The following GARRE1 variants were observed in gnomAD, a reference collection of about 807,000 sequenced individuals.
GARRE1 encodes the protein granule associated Rac and RHOG effector protein 1.
GARRE1 carries 49 observed loss-of-function variants against 103.2 expected under a neutral mutation model. The observed-to-expected ratio is 0.47, with a 90% CI of 0.38 to 0.60. The LOEUF (loss-of-function observed/expected upper bound fraction) is 0.60. Ranked by LOEUF, GARRE1 falls within the 20% of genes least tolerant of loss-of-function variation. The probability of loss-of-function intolerance (pLI) is 0.00; values close to 1 mark genes in which losing one functional copy is unlikely to be tolerated. For missense variants in GARRE1, 1,199 were observed against 1,370.5 expected (o/e 0.87, Z 1.98); for synonymous variants, 505 against 532.8 (o/e 0.95, Z 0.72).
At chr19:34,293,715 AACACACACACAC>A (rs146336774) in intron 1 of GARRE1, among the ~76,000 whole-genome samples, 6 of 100,472 alleles carry the variant, frequency 6.0e-5, no homozygotes, top group South Asian at 3.6e-4. Flanking sequence ...TAAACATATA[AACACACACACAC>A]ACACACACAC....
At chr19:34,339,403 A>G (rs940930732) in intron 8 of GARRE1, among the ~76,000 whole-genome samples, 3 of 152,260 alleles carry the variant, frequency 2.0e-5, no homozygotes, top group East Asian at 3.8e-4. Flanking sequence ...GAAGAGGTGC[A>G]TAGCGTGAAG....
chr19:34,281,385 G>A (rs566508180), intron 1 of GARRE1, among the ~76,000 whole-genome samples: 1 of 152,328 alleles, frequency 6.6e-6, no homozygotes, highest in East Asian at 1.9e-4. Flanking sequence ...CTGCCTCCCG[G>A]GTTCAAGTGA....
At chr19:34,305,296 C>T (rs1347886152) in intron 2 of GARRE1, among the ~76,000 whole-genome samples, 1 of 152,112 alleles carries the variant, frequency 6.6e-6, no homozygotes, top group Non-Finnish European at 1.5e-5. Flanking sequence ...GCAGCTTTGA[C>T]TTTTACATAA....
intron 7 of GARRE1, among the ~76,000 whole-genome samples, chr19:34,331,173 AC>A (rs2074136193): frequency 6.6e-6 from 1 of 151,882 alleles, no homozygotes; most frequent in South Asian, 2.1e-4. Context: ...TGCTGGAATT[AC>A]AGGCATGAGC....
rs771664936 is a variant in GARRE1, at chr19:34,333,817, C to CT, written c.1361+19dup. ...CATCCACATGGTAACGTGCCTCTTA[C>CT]TTTCACCGGAGCCTAAGCTCTGACT... On this transcript the variant is annotated intron_variant, in intron 8 of 13. Coordinates refer to ENST00000299505, the MANE Select transcript of GARRE1 (RefSeq NM_014686.5). 6.9e-7 allele frequency: 1 copy of CT among 1,439,860 alleles called. No homozygotes were observed. Among genetic ancestry groups the CT allele is most frequent in the Non-Finnish European group, 9.8e-7 (1 of 1,022,370 alleles). 89.2% of individuals were successfully genotyped at this position (1,439,860 alleles called of 1,614,324 possible).
At chr19:34,286,098 G>A (rs959628265) in intron 1 of GARRE1, among the ~76,000 whole-genome samples, 1 of 152,202 alleles carries the variant, frequency 6.6e-6, no homozygotes, top group East Asian at 1.9e-4. Flanking sequence ...CTGGAAAGCC[G>A]AGACAGGTGG....
chr19:34,345,685 G>C (rs908026762), intron 10 of GARRE1, among the ~76,000 whole-genome samples: 1 of 152,116 alleles, frequency 6.6e-6, no homozygotes, highest in Non-Finnish European at 1.5e-5. Flanking sequence ...AGCCAGGTGT[G>C]GTGGCACACA....
intron 1 of GARRE1, among the ~76,000 whole-genome samples, chr19:34,285,583 A>C (rs1436289012): frequency 1.3e-5 from 2 of 152,192 alleles, no homozygotes; most frequent in Admixed American, 1.3e-4. Flanking sequence ...AGATCGCACC[A>C]CTGCACTCCA....
chr19:34,296,197 A>G, intron 1 of GARRE1: 1 of 471,058 alleles, frequency 2.1e-6, no homozygotes, highest in Non-Finnish European at 3.8e-6. Flanking sequence ...ATAGCACAGG[A>G]GGATCCCCGC....
chr19:34,352,848 A>ACGCCCCCCC lies in GARRE1; in HGVS notation c.3107_3108insGCCCCCCCC (p.Pro1038_Gln1039insProProPro). On this transcript the variant is annotated inframe_insertion, in exon 14 of 14. Coordinates refer to ENST00000299505, the MANE Select transcript of GARRE1 (RefSeq NM_014686.5). ...TGCCGCTGCCTTCTCCTATGTGCAG[A>ACGCCCCCCC]CCCCACCCCAGCCCCCACCCCCACC... The ACGCCCCCCC allele has an allele frequency of 1.6e-5, 25 of 1,591,580 alleles. No homozygotes were observed. The highest frequency in any genetic ancestry group is 2.0e-5 in the Non-Finnish European group (23 of 1,166,570).
chr19:34,312,085 G>A (rs942152651), intron 2 of GARRE1, among the ~76,000 whole-genome samples: 56 of 152,050 alleles, frequency 3.7e-4, no homozygotes, highest in African/African-American at 1.2e-3. Context: ...TAAAGTGCTG[G>A]GATTACAGGT....
chr19:34,289,934 C>T (rs887676412), intron 1 of GARRE1, among the ~76,000 whole-genome samples: 4 of 152,134 alleles, frequency 2.6e-5, no homozygotes, highest in Admixed American at 1.3e-4. Context: ...GTTAGATGAT[C>T]ATGAAGGGCC....
chr19:34,262,961 C>T (rs1329818513), intron 1 of GARRE1, among the ~76,000 whole-genome samples: 1 of 152,046 alleles, frequency 6.6e-6, no homozygotes, highest in Non-Finnish European at 1.5e-5. Flanking sequence ...CGCCTGTAAT[C>T]CCAGCACTTT....
intron 1 of GARRE1, among the ~76,000 whole-genome samples, chr19:34,297,341 G>A (rs937242949): frequency 2.6e-5 from 4 of 152,130 alleles, no homozygotes; most frequent in South Asian, 4.1e-4. Flanking sequence ...TGAATTTGGT[G>A]AAATAGTATA....
At chr19:34,333,218 T>G (rs773594861) in intron 7 of GARRE1, among the ~76,000 whole-genome samples, 1 of 152,156 alleles carries the variant, frequency 6.6e-6, no homozygotes, top group Non-Finnish European at 1.5e-5. Flanking sequence ...CTTTTTGTAT[T>G]TTTAGTGGAG....
intron 10 of GARRE1, 118 bp downstream of exon 10, chr19:34,342,573 TAC>T: frequency 1.1e-6 from 1 of 929,184 alleles, no homozygotes; most frequent in Non-Finnish European, 1.6e-6. Flanking sequence ...AATCCCCCTT[TAC>T]GACCCTTTCT....
At chr19:34,333,888 C>A in intron 8 of GARRE1, 87 bp downstream of exon 8, 1 of 847,740 alleles carries the variant, frequency 1.2e-6, no homozygotes, top group Non-Finnish European at 2.0e-6. Context: ...TGAACAATGC[C>A]CATGCTAGCT....
chr19:34,274,666 A>G (rs28414883), intron 1 of GARRE1, among the ~76,000 whole-genome samples: 1,588 of 152,326 alleles, frequency 0.01, 27 homozygotes, highest in African/African-American at 0.035. Context: ...GAATCTTCCC[A>G]GAAGGAATAT....
intron 2 of GARRE1, among the ~76,000 whole-genome samples, chr19:34,314,018 C>G (rs375450156): frequency 2.6e-5 from 4 of 152,188 alleles, no homozygotes; most frequent in African/African-American, 9.6e-5. Context: ...CTAGGCTGGT[C>G]TTGAACTCCT....
Sources: allele counts gnomAD v4.1 joint callset (sites outside exome capture counted in the v4.1 genomes callset), GRCh38; gene constraint gnomAD v4.1.1; transcripts MANE v1.5; gene names NCBI Gene and HGNC (gene_info 2026-07-23, HGNC 2026-07-21).